Variants in CADM2 observed in about 807,000 individuals in gnomAD.
The protein encoded by CADM2 is immunoglobulin superfamily member 4D.
CADM2 carries 12 observed loss-of-function variants against 49.8 expected under a neutral mutation model. That is an observed-to-expected ratio of 0.24 (90% CI 0.15 to 0.39). The LOEUF (loss-of-function observed/expected upper bound fraction) is 0.39. Ranked by LOEUF, CADM2 falls within the 10% of genes least tolerant of loss-of-function variation. CADM2 has a pLI of 1.00. For synonymous variants in CADM2, 214 were observed against 175.4 expected (o/e 1.22, Z -1.74); for missense variants, 378 against 492.3 (o/e 0.77, Z 2.20).
intron 7 of CADM2, among the ~76,000 whole-genome samples, chr3:85,947,058 G>A (rs868462601): frequency 1.3e-5 from 2 of 152,076 alleles, no homozygotes; most frequent in Middle Eastern, 6.8e-3. Flanking sequence ...CTGGCAAATG[G>A]CTAATATCCA....
intron 1 of CADM2, among the ~76,000 whole-genome samples, chr3:85,369,654 T>A (rs1559804339): frequency 6.6e-6 from 1 of 152,178 alleles, no homozygotes; most frequent in Non-Finnish European, 1.5e-5. Flanking sequence ...ACATGGTAGA[T>A]CTTGTGAAAA....
intron 1 of CADM2, among the ~76,000 whole-genome samples, chr3:85,701,719 A>T (rs2066758896): frequency 6.6e-6 from 1 of 152,174 alleles, no homozygotes; most frequent in South Asian, 2.1e-4. Context: ...ATCAGCTTCT[A>T]AACTGGTAAA....
intron 8 of CADM2, among the ~76,000 whole-genome samples, chr3:86,031,257 A>T (rs1734526076): frequency 6.6e-6 from 1 of 151,856 alleles, no homozygotes; most frequent in Admixed American, 6.6e-5. Flanking sequence ...ATGAAAATTG[A>T]TAACCAGGGT....
chr3:85,027,917 C>T (rs1040238993), intron 1 of CADM2, among the ~76,000 whole-genome samples: 5 of 152,028 alleles, frequency 3.3e-5, no homozygotes, highest in Admixed American at 1.3e-4. Context: ...AAAATTATCT[C>T]CCTATAATTT....
rs201890225 is a variant in CADM2, at chr3:85,969,986, T to C, written c.970+8339T>C. ...GTGTGTGTGAGTGTATATATATATA[T>C]ACACTCATACACTCACACACACACA... On this transcript the variant is annotated intron_variant, in intron 8 of 9. Coordinates refer to ENST00000383699, the MANE Select transcript of CADM2 (RefSeq NM_001167675.2). Among the ~76,000 whole-genome samples the C allele has an allele frequency of 3.5e-4, 6 of 17,118 alleles. No homozygotes were observed. In the South Asian group the frequency reaches 6.8e-3, roughly 19 times the overall value. The allele number at this position is 17,118 out of a possible 152,430, so 11.2% of individuals were successfully genotyped here.
At chr3:85,305,511 A>G (rs1224307596) in intron 1 of CADM2, among the ~76,000 whole-genome samples, 1 of 151,640 alleles carries the variant, frequency 6.6e-6, no homozygotes, top group East Asian at 1.9e-4. Flanking sequence ...AGTAATCCTG[A>G]AGGATTCCAC....
At chr3:85,664,912 T>C (rs2065520153) in intron 1 of CADM2, among the ~76,000 whole-genome samples, 2 of 152,104 alleles carry the variant, frequency 1.3e-5, no homozygotes, top group Middle Eastern at 3.4e-3. Flanking sequence ...TCATCACTAC[T>C]GATAATAAAT....
At chr3:85,109,208 A>C (rs886895212) in intron 1 of CADM2, among the ~76,000 whole-genome samples, 1 of 152,062 alleles carries the variant, frequency 6.6e-6, no homozygotes, top group Non-Finnish European at 1.5e-5. Flanking sequence ...ATCAACTGTC[A>C]TAGCTATCCT....
chr3:85,098,284 T>C (rs1390331795), intron 1 of CADM2, among the ~76,000 whole-genome samples: 1 of 151,906 alleles, frequency 6.6e-6, no homozygotes, highest in East Asian at 1.9e-4. Flanking sequence ...AGTATTTTTT[T>C]AATCTAGAAT....
chr3:85,358,972 A>G (rs1202270946), intron 1 of CADM2, among the ~76,000 whole-genome samples: 4 of 152,178 alleles, frequency 2.6e-5, no homozygotes, highest in African/African-American at 9.6e-5. Flanking sequence ...AACACTTTAT[A>G]ATGTGACAAT....
intron 3 of CADM2, among the ~76,000 whole-genome samples, chr3:85,825,910 T>G (rs1247608530): frequency 2.0e-5 from 3 of 152,076 alleles, no homozygotes; most frequent in Non-Finnish European, 2.9e-5. Context: ...TTACTGTTAA[T>G]GCTTTAATCC....
chr3:85,676,907 T>C (rs1264001647), intron 1 of CADM2, among the ~76,000 whole-genome samples: 1 of 152,140 alleles, frequency 6.6e-6, no homozygotes, highest in East Asian at 1.9e-4. Context: ...TTATATCCCA[T>C]TCAATATACC....
At chr3:85,262,893 CAT>C (rs1388239124) in intron 1 of CADM2, among the ~76,000 whole-genome samples, 4 of 149,392 alleles carry the variant, frequency 2.7e-5, no homozygotes, top group East Asian at 1.9e-4. Flanking sequence ...TTCAAAATGT[CAT>C]GTGTAAATAT....
chr3:85,655,332 C>A (rs951246797), intron 1 of CADM2, among the ~76,000 whole-genome samples: 1 of 151,834 alleles, frequency 6.6e-6, no homozygotes, highest in African/African-American at 2.4e-5. Context: ...AATTATTTTT[C>A]GTATTTTTAG....
intron 1 of CADM2, among the ~76,000 whole-genome samples, chr3:85,357,647 A>G (rs1353489176): frequency 7.0e-6 from 1 of 143,550 alleles, no homozygotes; most frequent in Non-Finnish European, 1.5e-5. Flanking sequence ...TTTACTCCCA[A>G]ATCCATTCAT....
At chr3:85,696,017 A>T (rs1055780374) in intron 1 of CADM2, among the ~76,000 whole-genome samples, 53 of 152,076 alleles carry the variant, frequency 3.5e-4, no homozygotes, top group Admixed American at 2.9e-3. Flanking sequence ...TTCCCTGATG[A>T]TTAGCAATGT....
At chr3:85,420,370 A>G (rs73847103) in intron 1 of CADM2, among the ~76,000 whole-genome samples, 1,761 of 152,298 alleles carry the variant, frequency 0.012, 39 homozygotes, top group African/African-American at 0.04. Context: ...ATTTAGTTCT[A>G]CCTTTTGTCT....
chr3:85,247,668 G>A (rs1175041847), intron 1 of CADM2, among the ~76,000 whole-genome samples: 5 of 152,142 alleles, frequency 3.3e-5, no homozygotes, highest in African/African-American at 1.2e-4. Flanking sequence ...GGAATAGTAT[G>A]AATTATGTTT....
At chr3:85,443,590 C>A (rs1455719838) in intron 1 of CADM2, among the ~76,000 whole-genome samples, 2 of 152,060 alleles carry the variant, frequency 1.3e-5, no homozygotes, top group African/African-American at 4.8e-5. Context: ...ATCAACTTTT[C>A]TATTTCTCAT....
Sources: allele counts gnomAD v4.1 joint callset (sites outside exome capture counted in the v4.1 genomes callset), GRCh38; gene constraint gnomAD v4.1.1; transcripts MANE v1.5; gene names NCBI Gene and HGNC (gene_info 2026-07-23, HGNC 2026-07-21).